The following LARP6 variants were observed in gnomAD, a reference collection of about 807,000 sequenced individuals.
LARP6 encodes the protein la-related protein 6.
In LARP6, 18 loss-of-function variants were observed where a neutral mutation model predicts 32.8. That is an observed-to-expected ratio of 0.55 (90% CI 0.38 to 0.81). The LOEUF (loss-of-function observed/expected upper bound fraction) is 0.81, where lower values mean the gene tolerates loss of function less well. Among genes scored for constraint, LARP6 ranks in the 40% least tolerant of loss-of-function variants. The pLI, the probability that LARP6 is intolerant of heterozygous loss-of-function variation, is 0.00. For missense variants in LARP6, 598 were observed against 663.1 expected, an observed-to-expected ratio of 0.90 and a Z score of 1.08; for synonymous variants, 289 against 267.2, an observed-to-expected ratio of 1.08 and a Z score of -0.80.
chr15:70,832,125 AC>A lies in LARP6; in HGVS notation c.1402del (p.Val468CysfsTer2), dbSNP rs1224193789. On this transcript the variant is annotated frameshift_variant, in exon 3 of 3. Transcript: ENST00000299213. LOFTEE classifies it high-confidence loss of function. ...MQTADGLPVG[V>X]LRLPRGPDNT... ...GTCAGGACCCCTGGGCAACCTCAGC[AC>A]CCCTACGGGTAGCCCATCTGCAGTC... The A allele has an allele frequency of 6.3e-7, 1 of 1,599,292 alleles. No homozygotes were observed. The highest frequency in any genetic ancestry group is 1.7e-5 in the Admixed American group (1 of 58,086).
chr15:70,836,391 A>G lies in LARP6; in HGVS notation c.315T>C (p.Ser105=), dbSNP rs1464511816. 1 of 1,614,124 alleles carries G rather than the reference A, an allele frequency of 6.2e-7. No homozygotes were observed. The highest frequency in any genetic ancestry group is 1.7e-5 in the Admixed American group (1 of 60,022). ...KLVDQIEFYF[S]DENLEKDAFL... is the part of the protein sequence containing the mutation. ...AGGCGTCCTTCTCCAGGTTTTCATC[A>G]GAAAAGTAGAATTCGATCTGATCCA... Residue 105 remains serine (S), a synonymous_variant, in exon 2 of 3, where the codon TCT becomes TCC. Coordinates refer to ENST00000299213, the MANE Select transcript of LARP6 (RefSeq NM_018357.4).
At chr15:70,834,710 G>C (rs774346301) in intron 2 of LARP6, among the ~76,000 whole-genome samples, 1 of 152,236 alleles carries the variant, frequency 6.6e-6, no homozygotes, top group Non-Finnish European at 1.5e-5. Context: ...CTCGGTTACA[G>C]TCTGAGCATC....
At chr15:70,852,228 G>A (rs1015078705) in intron 1 of LARP6, 44 of 453,234 alleles carry the variant, frequency 9.7e-5, no homozygotes, top group Non-Finnish European at 1.8e-4. Flanking sequence ...TCAGCTCACC[G>A]AAGAACCCCA....
rs376491663 is a variant in LARP6, at chr15:70,836,436, C to A, written c.270G>T (p.Glu90Asp). Residue 90 changes from glutamate (E) to aspartate (D), a missense_variant, in exon 2 of 3, where the codon GAG becomes GAT. This residue lies in a region of LARP6 where 161 missense variants were observed against 148.6 expected (regional missense o/e 1.08). Coordinates refer to ENST00000299213, the MANE Select transcript of LARP6 (RefSeq NM_018357.4). ...GATCCACCAGTTTCTTGATCAACTC[C>A]TCATCCGGGGGCTTCCACTCCTGCT... Reference protein sequence around the residue: ...DLEQEWKPPDEELIKKLVDQI... With the variant: ...DLEQEWKPPDDELIKKLVDQI... 6 of 1,614,132 alleles carry A rather than the reference C, an allele frequency of 3.7e-6. No individual in the cohort carries two copies. Among genetic ancestry groups the A allele is most frequent in the Non-Finnish European group, 4.2e-6 (5 of 1,180,030 alleles).
At chr15:70,834,195 A>C (rs1368260656) in intron 2 of LARP6, among the ~76,000 whole-genome samples, 1 of 152,188 alleles carries the variant, frequency 6.6e-6, no homozygotes, top group Admixed American at 6.6e-5. Context: ...AGGCTCACTC[A>C]CTGGGCAAGA....
At chr15:70,851,541 T>G (rs2032451338) in intron 1 of LARP6, 1 of 1,526,886 alleles carries the variant, frequency 6.5e-7, no homozygotes, top group East Asian at 2.5e-5. Context: ...GCAGCTGCCT[T>G]CAAGGATCTC....
At chr15:70,851,330 A>T in intron 1 of LARP6, 9 of 497,900 alleles carry the variant, frequency 1.8e-5, no homozygotes, top group African/African-American at 3.9e-5. Flanking sequence ...ATTTTTTCAT[A>T]TTTTCTTTAT....
intron 1 of LARP6, among the ~76,000 whole-genome samples, chr15:70,850,084 A>C (rs904500762): frequency 6.6e-6 from 1 of 152,224 alleles, no homozygotes; most frequent in African/African-American, 2.4e-5. Context: ...GGGAAAGAAT[A>C]TTGCAAGAGG....
Position 70,831,456 on chromosome 15 carries a change from C to A in LARP6, c.*596G>T, listed in dbSNP as rs772497226. On this transcript the variant is annotated 3_prime_UTR_variant, in exon 3 of 3. Coordinates refer to ENST00000299213, the MANE Select transcript of LARP6 (RefSeq NM_018357.4). ...AAAAGAAAGATGTCTCTGCTAAGCT[C>A]CTCAGGGCCTCATGACATACCACCC... 1 of 152,206 alleles carries A rather than the reference C, an allele frequency of 6.6e-6. No homozygotes were observed. Among genetic ancestry groups the A allele is most frequent in the Non-Finnish European group, 1.5e-5 (1 of 68,038 alleles). 9.4% of individuals were successfully genotyped at this position (152,206 alleles called of 1,614,324 possible). A position where few individuals can be genotyped will look rare whatever the true frequency, so the allele number is the denominator to read the frequency against.
chr15:70,832,602 T>C lies in LARP6; in HGVS notation c.926A>G (p.Glu309Gly), dbSNP rs368859399. The C allele has an allele frequency of 7.5e-6, 12 of 1,602,568 alleles. No homozygotes were observed. The highest frequency in any genetic ancestry group is 9.4e-6 in the Non-Finnish European group (11 of 1,175,632). The change falls in exon 3 of 3, where the codon GAG becomes GGG. Residue 309 changes from glutamate (E) to glycine (G), a missense_variant. Physicochemically the swap from Glu to Gly is moderately conservative, Grantham distance 98 (BLOSUM62 -2). Transcript: ENST00000299213. ...GTTCAGGTGGATGCTCGCAGTGGGC[T>C]CCTCGTCATGATTTTTGTCTTTGGC... ...KPAKDKNHDE[E>G]PTASIHLNKS...
At chr15:70,835,741 A>G (rs1275561411) in intron 2 of LARP6, among the ~76,000 whole-genome samples, 1 of 152,218 alleles carries the variant, frequency 6.6e-6, no homozygotes, top group Non-Finnish European at 1.5e-5. Context: ...TATATATGGC[A>G]GGGACAAGCA....
At chr15:70,848,549 T>C (rs1429152499) in intron 1 of LARP6, among the ~76,000 whole-genome samples, 3 of 152,134 alleles carry the variant, frequency 2.0e-5, no homozygotes, top group East Asian at 1.9e-4. Flanking sequence ...CTGGCCAACA[T>C]GGTGAAACCC....
At chr15:70,852,180 A>C (rs1050105526) in intron 1 of LARP6, 1 of 406,134 alleles carries the variant, frequency 2.5e-6, no homozygotes, top group Non-Finnish European at 4.9e-6. Context: ...TCTTGGCTAC[A>C]TCTCCTCCTG....
At chr15:70,852,064 A>C (rs572582431) in intron 1 of LARP6, 4 of 359,944 alleles carry the variant, frequency 1.1e-5, no homozygotes, top group East Asian at 6.9e-5. Flanking sequence ...CAGATTGAGG[A>C]ATCTGGGTTT....
rs2141063452 is a variant in LARP6, at chr15:70,853,912, C to T, written c.177G>A (p.Glu59=). 1 of 1,374,724 alleles carries T rather than the reference C, an allele frequency of 7.3e-7. No homozygotes were observed. Among genetic ancestry groups the T allele is most frequent in the East Asian group, 3.1e-5 (1 of 31,760 alleles). The allele number at this position is 1,374,724 out of a possible 1,614,324, so 85.2% of individuals were successfully genotyped here. A position where few individuals can be genotyped will look rare whatever the true frequency, so the allele number is the denominator to read the frequency against. Residue 59 remains glutamate, a synonymous_variant, in exon 1 of 3, where the codon GAG becomes GAA. Coordinates refer to ENST00000299213, the MANE Select transcript of LARP6 (RefSeq NM_018357.4). ...YLSPGWGSAS[E]EEPSRGHSGT... is the part of the protein sequence containing the mutation. The stretch of plus-strand genomic sequence containing the variant: ...ACCTGTGCCCGCGGCTCGGCTCCTC[C>T]TCGCTCGCGCTGCCCCAGCCGGGGC...
At chr15:70,853,854 C>CG in intron 1 of LARP6, 35 bp downstream of exon 1, 2 of 1,227,710 alleles carry the variant, frequency 1.6e-6, no homozygotes, top group African/African-American at 3.1e-5. Context: ...GGCGCCCCCT[C>CG]GGGGCCCACC....
chr15:70,840,716 G>A (rs2032238382), intron 1 of LARP6, among the ~76,000 whole-genome samples: 1 of 152,118 alleles, frequency 6.6e-6, no homozygotes, highest in African/African-American at 2.4e-5. Flanking sequence ...CAGGGGTATT[G>A]GCAAATGGTC....
Position 70,833,735 on chromosome 15 carries a change from C to G in LARP6, c.412-619G>C, listed in dbSNP as rs139436475. ...ATTTGGAGATTTTAACATTCAAATGCTTCTCTAAAGCAGTATTTCTGCATT... is the reference window on the plus strand; with the variant it reads ...ATTTGGAGATTTTAACATTCAAATGGTTCTCTAAAGCAGTATTTCTGCATT... On this transcript the variant is annotated intron_variant, in intron 2 of 2. Transcript: ENST00000299213. Among the ~76,000 whole-genome samples, 122 of 152,310 alleles carry G rather than the reference C, an allele frequency of 8.0e-4. 2 individuals carry two copies. In the South Asian group the frequency reaches 0.014, roughly 17 times the overall value.
intron 1 of LARP6, among the ~76,000 whole-genome samples, chr15:70,847,984 TGTCTGTGTG>T (rs2032377724): frequency 1.3e-5 from 2 of 152,056 alleles, no homozygotes; most frequent in African/African-American, 4.8e-5. Context: ...GTCCAGGTCC[TGTCTGTGTG>T]AGATTTCTTT....
Sources: gnomAD v4.1 joint callset for allele counts (sites outside exome capture counted in the v4.1 genomes callset) on GRCh38, gnomAD v4.1.1 for gene constraint, gnomAD v4.1.1 regional missense constraint, MANE v1.5 for transcripts, NCBI Gene and HGNC (gene_info 2026-07-23, HGNC 2026-07-21) for gene names.